Variants in TIAM2 observed in about 807,000 individuals in gnomAD.
TIAM2 encodes the protein TIAM Rac1 associated GEF 2, also known as rho guanine nucleotide exchange factor TIAM2.
In TIAM2, 80 loss-of-function variants were observed where a neutral mutation model predicts 152.9. The ratio of observed to expected loss-of-function variants is 0.52; its 90% CI spans 0.44 to 0.63. The LOEUF (loss-of-function observed/expected upper bound fraction) is 0.63. Among genes scored for constraint, TIAM2 ranks in the 30% least tolerant of loss-of-function variants. TIAM2 has a pLI of 0.00. For synonymous variants in TIAM2, 804 were observed against 838.0 expected (o/e 0.96, Z 0.70); for missense variants, 1,965 against 2,120.1 (o/e 0.93, Z 1.44).
At chr6:155,099,514 A>T (rs1778505608) in intron 2 of TIAM2, among the ~76,000 whole-genome samples, 1 of 152,180 alleles carries the variant, frequency 6.6e-6, no homozygotes, top group African/African-American at 2.4e-5. Context: ...TTTAATCCGT[A>T]GCCATTGAGT....
At chr6:155,112,345 G>A (rs942254381) in intron 2 of TIAM2, among the ~76,000 whole-genome samples, 1 of 151,604 alleles carries the variant, frequency 6.6e-6, no homozygotes, top group Non-Finnish European at 1.5e-5. Context: ...GGCTGGTCTC[G>A]AACTCCTGAC....
At chr6:155,152,347 G>A (rs900758032) in intron 7 of TIAM2, among the ~76,000 whole-genome samples, 23 of 152,190 alleles carry the variant, frequency 1.5e-4, no homozygotes, top group Non-Finnish European at 4.4e-5. Flanking sequence ...GCCCCCACGA[G>A]CCCAGCTTGC....
intron 1 of TIAM2, among the ~76,000 whole-genome samples, chr6:155,039,648 TG>T (rs1051143625): frequency 4.4e-5 from 3 of 68,574 alleles, no homozygotes; most frequent in African/African-American, 1.7e-4. Context: ...GGGTGGTTGG[TG>T]GGGGGGCTCT....
chr6:155,040,542 G>A (rs908353885), intron 1 of TIAM2, among the ~76,000 whole-genome samples: 1 of 152,030 alleles, frequency 6.6e-6, no homozygotes, highest in Non-Finnish European at 1.5e-5. Context: ...TTGTTGAGAC[G>A]GAGTCTTGCT....
intron 14 of TIAM2, among the ~76,000 whole-genome samples, chr6:155,206,506 A>G (rs1037723812): frequency 4.6e-5 from 7 of 152,096 alleles, no homozygotes; most frequent in Admixed American, 4.6e-4. Flanking sequence ...AAGTGCTGGG[A>G]TTACAGGTGT....
At chr6:155,092,284 G>C (rs1778323879) in intron 2 of TIAM2, among the ~76,000 whole-genome samples, 1 of 151,680 alleles carries the variant, frequency 6.6e-6, no homozygotes, top group African/African-American at 2.4e-5. Flanking sequence ...AATTTGTAGA[G>C]GCGAGGTCTT....
chr6:155,120,195 G>A (rs1352746257), intron 2 of TIAM2, among the ~76,000 whole-genome samples: 1 of 152,196 alleles, frequency 6.6e-6, no homozygotes, highest in Non-Finnish European at 1.5e-5. Context: ...GCTTGTCAGC[G>A]GAGATCCTGC....
chr6:155,195,723 G>A (rs971396092), intron 14 of TIAM2, among the ~76,000 whole-genome samples: 2 of 152,208 alleles, frequency 1.3e-5, no homozygotes, highest in African/African-American at 4.8e-5. Flanking sequence ...AGGGCAGGCC[G>A]GTAGTGCTCA....
chr6:155,032,879 A>G (rs935455253), intron 1 of TIAM2, among the ~76,000 whole-genome samples: 4 of 152,108 alleles, frequency 2.6e-5, no homozygotes, highest in Non-Finnish European at 2.9e-5. Context: ...TTGTATATAG[A>G]GCAAAGGAAT....
chr6:155,257,216 T>A lies in TIAM2; in HGVS notation c.*95T>A. ...AAAAAAAAAAAAAAAAAAAAACTGT[T>A]CATTCCTGGGTTTTGTGCAGTATAC... On this transcript the variant is annotated 3_prime_UTR_variant, in exon 27 of 27. Transcript: ENST00000682666. 1 of 1,182,850 alleles carries A rather than the reference T, an allele frequency of 8.5e-7. No individual in the cohort carries two copies. The highest frequency in any genetic ancestry group is 1.2e-6 in the Non-Finnish European group (1 of 842,528). 73.3% of individuals were successfully genotyped at this position (1,182,850 alleles called of 1,614,324 possible).
At chr6:155,240,887 G>A (rs1782999459) in intron 16 of TIAM2, among the ~76,000 whole-genome samples, 178 bp downstream of exon 16, 1 of 152,228 alleles carries the variant, frequency 6.6e-6, no homozygotes, top group Admixed American at 6.5e-5. Flanking sequence ...GAGGGTGGAA[G>A]AGCTGAGGAG....
In TIAM2 at chr6:155,110,237, G is replaced by A. The variant is rs541757104; in HGVS notation, c.-117-17253G>A. Among the ~76,000 whole-genome samples the A allele has an allele frequency of 5.1e-4, 78 of 151,628 alleles. 1 individual carries two copies. The Middle Eastern group carries it at 0.01, about 20-fold the overall frequency. ...CAAAGTGTTAGGATTACAGGCATGA[G>A]CCACCACGTCCAGCCGACATGCACA... On this transcript the variant is annotated intron_variant, in intron 2 of 26. Coordinates refer to ENST00000682666, the MANE Select transcript of TIAM2 (RefSeq NM_012454.4).
intron 2 of TIAM2, among the ~76,000 whole-genome samples, chr6:155,104,546 A>G (rs905378178): frequency 1.3e-5 from 2 of 152,138 alleles, no homozygotes; most frequent in African/African-American, 2.4e-5. Context: ...TCATGAGGTC[A>G]GGAGATCGAG....
At position 155,140,573 on chromosome 6, in the gene TIAM2, T is replaced by TGTGA. The variant is rs1331424200; in HGVS notation, c.1630+2962_1630+2963insTGAG. 6.8e-3 allele frequency among the ~76,000 whole-genome samples: 727 copies of TGTGA among 107,438 alleles called. 4 individuals carry two copies. The highest frequency in any genetic ancestry group is 8.2e-3 in the Non-Finnish European group (458 of 55,728). 70.5% of individuals were successfully genotyped at this position (107,438 alleles called of 152,430 possible). On this transcript the variant is annotated intron_variant, in intron 5 of 26. Transcript: ENST00000682666. ...GTGTGTGTATGTGTGTGTGTGTGTGTGAGAGAGAGAGAGAGAGAGAGAGAG... is the reference window on the plus strand; with the variant it reads ...GTGTGTGTATGTGTGTGTGTGTGTGTGTGAGAGAGAGAGAGAGAGAGAGAGAGAG...
intron 15 of TIAM2, among the ~76,000 whole-genome samples, chr6:155,233,625 T>C (rs1051472864): frequency 1.3e-5 from 2 of 152,160 alleles, no homozygotes; most frequent in Non-Finnish European, 2.9e-5. Flanking sequence ...CATCTATAAA[T>C]AAGATAAAAT....
In TIAM2 at chr6:155,179,307, T is replaced by C. The variant is rs576873538; in HGVS notation, c.2629-71T>C. ...AACAGCTTTCTTGTTTTATGAAAAA[T>C]AGTGTCAAAGTAATTTTTTGAGGTA... On this transcript the variant is annotated intron_variant, in intron 11 of 26. Coordinates refer to ENST00000682666, the MANE Select transcript of TIAM2 (RefSeq NM_012454.4). The C allele has an allele frequency of 2.5e-4, 390 of 1,532,138 alleles. 1 individual carries two copies. The African/African-American group carries it at 4.7e-3, about 18-fold the overall frequency. The allele number at this position is 1,532,138 out of a possible 1,614,324, so 94.9% of individuals were successfully genotyped here.
intron 1 of TIAM2, among the ~76,000 whole-genome samples, chr6:155,047,234 A>G (rs1181052929): frequency 6.6e-6 from 1 of 152,152 alleles, no homozygotes; most frequent in Non-Finnish European, 1.5e-5. Context: ...TATGTAGTGC[A>G]GTGGCACGAT....
At chr6:155,135,279 T>C (rs1288732535) in intron 4 of TIAM2, among the ~76,000 whole-genome samples, 1 of 152,204 alleles carries the variant, frequency 6.6e-6, no homozygotes, top group African/African-American at 2.4e-5. Flanking sequence ...AGCAAGTAAT[T>C]GCAACTTGAT....
intron 5 of TIAM2, among the ~76,000 whole-genome samples, chr6:155,140,597 A>T (rs1263302610): frequency 6.6e-6 from 1 of 151,226 alleles, no homozygotes; most frequent in Non-Finnish European, 1.5e-5. Flanking sequence ...AGAGAGAGAG[A>T]GAGAGAGAGA....
Sources: gnomAD v4.1 joint callset for allele counts (sites outside exome capture counted in the v4.1 genomes callset) on GRCh38, gnomAD v4.1.1 for gene constraint, MANE v1.5 for transcripts, NCBI Gene and HGNC (gene_info 2026-07-23, HGNC 2026-07-21) for gene names.